Variants in MDGA2 observed in about 807,000 individuals in gnomAD.
MDGA2 encodes MAM domain containing glycosylphosphatidylinositol anchor 2.
Under a neutral mutation model 117.8 loss-of-function variants are expected in MDGA2, and 40 were observed. The observed-to-expected ratio is 0.34, with a 90% CI of 0.26 to 0.44. MDGA2 has a LOEUF of 0.44. MDGA2 is among the 20% of genes least tolerant of loss of function. The probability of loss-of-function intolerance (pLI) is 1.00; values close to 1 mark genes in which losing one functional copy is unlikely to be tolerated. For synonymous variants in MDGA2, 452 were observed against 439.0 expected (o/e 1.03, Z -0.37); for missense variants, 1,123 against 1,250.6 (o/e 0.90, Z 1.54).
chr14:47,148,879 A>C (rs1883052604), intron 3 of MDGA2, among the ~76,000 whole-genome samples: 1 of 150,148 alleles, frequency 6.7e-6, no homozygotes, highest in Non-Finnish European at 1.5e-5. Context: ...TAGATTGTGC[A>C]ATAGTTTCTT....
intron 3 of MDGA2, among the ~76,000 whole-genome samples, chr14:47,165,232 C>T (rs1169232666): frequency 3.3e-5 from 5 of 151,996 alleles, no homozygotes; most frequent in African/African-American, 1.2e-4. Context: ...CACATGTACC[C>T]TAGTACTTAA....
At chr14:47,604,840 C>T (rs1896713040) in intron 1 of MDGA2, among the ~76,000 whole-genome samples, 1 of 152,154 alleles carries the variant, frequency 6.6e-6, no homozygotes, top group Non-Finnish European at 1.5e-5. Flanking sequence ...AGGAAGCCTG[C>T]TCTGGCTTTC....
At chr14:46,949,465 G>C (rs1206926666) in intron 9 of MDGA2, among the ~76,000 whole-genome samples, 1 of 151,910 alleles carries the variant, frequency 6.6e-6, no homozygotes, top group African/African-American at 2.4e-5. Context: ...AGCGAGCATT[G>C]AAATGCTTAC....
At chr14:47,638,962 A>G (rs753686136) in intron 1 of MDGA2, among the ~76,000 whole-genome samples, 1 of 152,152 alleles carries the variant, frequency 6.6e-6, no homozygotes, top group Non-Finnish European at 1.5e-5. Flanking sequence ...GATACCAGAC[A>G]TTCACATACA....
chr14:47,662,733 C>A (rs984739702), intron 1 of MDGA2, among the ~76,000 whole-genome samples: 2 of 152,194 alleles, frequency 1.3e-5, no homozygotes, highest in South Asian at 4.2e-4. Flanking sequence ...TTATTTCAGG[C>A]TGCAGTCCAC....
At chr14:47,394,463 A>G (rs1891964377) in intron 1 of MDGA2, among the ~76,000 whole-genome samples, 1 of 152,174 alleles carries the variant, frequency 6.6e-6, no homozygotes, top group Non-Finnish European at 1.5e-5. Flanking sequence ...ATTTAACCAT[A>G]TCAGAAAGAG....
chr14:47,606,489 T>C (rs554434457), intron 1 of MDGA2, among the ~76,000 whole-genome samples: 18 of 152,314 alleles, frequency 1.2e-4, no homozygotes, highest in East Asian at 9.6e-4. Context: ...ATTTATCACA[T>C]GTCAGAACAT....
chr14:47,617,745 T>C lies in MDGA2; in HGVS notation c.280+56772A>G, dbSNP rs149336094. Among the ~76,000 whole-genome samples, 206 of 152,322 alleles carry C rather than the reference T, an allele frequency of 1.4e-3. 1 individual carries two copies. Among genetic ancestry groups the C allele is most frequent in the Non-Finnish European group, 2.3e-3 (158 of 68,032 alleles). On this transcript the variant is annotated intron_variant, in intron 1 of 16. Coordinates refer to ENST00000399232, the MANE Select transcript of MDGA2 (RefSeq NM_001113498.3). ...TTTTCCTTAGGTTACATGCATATTA[T>C]TTATATATTTGCCTATAGCATATTA... is the stretch of plus-strand genomic sequence containing the variant.
intron 1 of MDGA2, among the ~76,000 whole-genome samples, chr14:47,515,709 A>G (rs1894737240): frequency 6.6e-6 from 1 of 152,156 alleles, no homozygotes; most frequent in Non-Finnish European, 1.5e-5. Flanking sequence ...AGGTACCACA[A>G]TATATTTTTA....
intron 1 of MDGA2, among the ~76,000 whole-genome samples, chr14:47,657,391 G>T (rs186198518): frequency 6.6e-6 from 1 of 152,140 alleles, no homozygotes; most frequent in Non-Finnish European, 1.5e-5. Flanking sequence ...GGAAGAAGCC[G>T]TAGTGAAAAT....
chr14:47,175,971 T>C (rs1288580297), intron 3 of MDGA2, among the ~76,000 whole-genome samples: 1 of 152,120 alleles, frequency 6.6e-6, no homozygotes, highest in Non-Finnish European at 1.5e-5. Context: ...ACAAAATCAA[T>C]GTGCAAAAAT....
At chr14:46,928,841 C>A (rs888794732) in intron 9 of MDGA2, among the ~76,000 whole-genome samples, 3 of 152,090 alleles carry the variant, frequency 2.0e-5, no homozygotes, top group Non-Finnish European at 4.4e-5. Flanking sequence ...ATAATTTTAT[C>A]CCAATATGTA....
intron 9 of MDGA2, among the ~76,000 whole-genome samples, chr14:46,921,583 C>T (rs569155485): frequency 1.4e-5 from 2 of 147,540 alleles, no homozygotes; most frequent in East Asian, 2.0e-4. Flanking sequence ...TGTGCCACTG[C>T]ACTCCAGCCT....
intron 8 of MDGA2, among the ~76,000 whole-genome samples, chr14:46,999,275 A>T (rs1378130678): frequency 6.6e-6 from 1 of 151,428 alleles, no homozygotes; most frequent in Non-Finnish European, 1.5e-5. Flanking sequence ...AATGTAATTA[A>T]GGTAATAAAT....
intron 3 of MDGA2, among the ~76,000 whole-genome samples, chr14:47,163,348 G>T (rs1883721341): frequency 6.6e-6 from 1 of 152,114 alleles, no homozygotes; most frequent in Non-Finnish European, 1.5e-5. Flanking sequence ...TCATCATGTA[G>T]CTCACATAAT....
At chr14:46,915,742 C>A (rs1016430340) in intron 10 of MDGA2, among the ~76,000 whole-genome samples, 1 of 152,074 alleles carries the variant, frequency 6.6e-6, no homozygotes, top group Non-Finnish European at 1.5e-5. Context: ...GGAAGCAAAG[C>A]GGCAGGAGGC....
intron 8 of MDGA2, among the ~76,000 whole-genome samples, chr14:46,976,775 A>G (rs1050761085): frequency 6.6e-6 from 1 of 151,942 alleles, no homozygotes; most frequent in Admixed American, 6.6e-5. Flanking sequence ...TTTTTCTAAA[A>G]GTAATTCTTC....
At chr14:47,410,127 C>T (rs555545810) in intron 1 of MDGA2, among the ~76,000 whole-genome samples, 7 of 151,890 alleles carry the variant, frequency 4.6e-5, no homozygotes, top group African/African-American at 9.7e-5. Context: ...GAGCAAAGAC[C>T]GTTTTGCATT....
intron 1 of MDGA2, among the ~76,000 whole-genome samples, chr14:47,669,837 G>A (rs558836190): frequency 6.6e-6 from 1 of 151,836 alleles, no homozygotes; most frequent in Non-Finnish European, 1.5e-5. Flanking sequence ...CTCATCACAC[G>A]GCCTCTCCAA....
Sources: allele counts gnomAD v4.1 joint callset (sites outside exome capture counted in the v4.1 genomes callset), GRCh38; gene constraint gnomAD v4.1.1; transcripts MANE v1.5; gene names NCBI Gene and HGNC (gene_info 2026-07-23, HGNC 2026-07-21).